CDC73: variants seen among roughly 807,000 people sequenced by gnomAD.
The protein encoded by CDC73 is cell division cycle 73.
Under a neutral mutation model 83.7 loss-of-function variants are expected in CDC73, and 21 were observed. The ratio of observed to expected loss-of-function variants is 0.25; its 90% CI spans 0.18 to 0.36. The LOEUF is 0.36. CDC73 is among the 10% of genes least tolerant of loss of function. CDC73 has a pLI of 1.00. For synonymous variants in CDC73, 224 were observed against 212.9 expected, an observed-to-expected ratio of 1.05 and a Z score of -0.45; for missense variants, 342 against 653.3, an observed-to-expected ratio of 0.52 and a Z score of 5.19.
intron 10 of CDC73, among the ~76,000 whole-genome samples, chr1:193,182,549 C>T (rs1676734931): frequency 6.6e-6 from 1 of 152,076 alleles, no homozygotes; most frequent in Admixed American, 6.6e-5. Context: ...TTTTAAATAT[C>T]CTTGAGTTGT....
At chr1:193,141,777 A>G (rs1675910384) in intron 6 of CDC73, 73 bp from the exon 7 acceptor site, 4 of 995,616 alleles carry the variant, frequency 4.0e-6, no homozygotes, top group Non-Finnish European at 6.2e-6. Flanking sequence ...AAATTTATAA[A>G]TGTAACAAAA....
intron 10 of CDC73, among the ~76,000 whole-genome samples, chr1:193,168,317 G>A (rs1676466110): frequency 6.6e-6 from 1 of 152,200 alleles, no homozygotes; most frequent in Middle Eastern, 3.2e-3. Flanking sequence ...AATGTTTGCT[G>A]TGTGCCTGCT....
intron 10 of CDC73, chr1:193,181,761 A>G (rs1676721049): frequency 2.0e-6 from 1 of 506,578 alleles, no homozygotes; most frequent in South Asian, 4.1e-5. Context: ...GCAAATAGGA[A>G]TGTCTTAAGC....
chr1:193,204,351 G>A (rs150461096), intron 11 of CDC73, among the ~76,000 whole-genome samples: 1,556 of 149,208 alleles, frequency 0.01, 31 homozygotes, highest in African/African-American at 0.036. Context: ...GTACACTGGC[G>A]CCATCTCATC....
intron 7 of CDC73, among the ~76,000 whole-genome samples, chr1:193,147,472 A>G (rs1029963404): frequency 1.3e-5 from 2 of 150,238 alleles, no homozygotes; most frequent in Non-Finnish European, 3.0e-5. Flanking sequence ...TGTTCACACC[A>G]TATTCCTGCC....
At chr1:193,244,737 T>C (rs576571829) in intron 15 of CDC73, among the ~76,000 whole-genome samples, 1 of 152,324 alleles carries the variant, frequency 6.6e-6, no homozygotes, top group Admixed American at 6.5e-5. Context: ...AATTACCTGC[T>C]TCTAGATAAT....
intron 10 of CDC73, among the ~76,000 whole-genome samples, chr1:193,168,049 C>T (rs999413710): frequency 6.6e-6 from 1 of 151,956 alleles, no homozygotes. Flanking sequence ...TTAATAGAGA[C>T]AGGGTTTCAC....
At chr1:193,237,563 G>A (rs947318181) in intron 15 of CDC73, among the ~76,000 whole-genome samples, 3 of 152,134 alleles carry the variant, frequency 2.0e-5, no homozygotes, top group Non-Finnish European at 4.4e-5. Context: ...CTCCCAGAAC[G>A]TGGCCTTTAA....
chr1:193,183,705 G>C (rs1251275941), intron 10 of CDC73, among the ~76,000 whole-genome samples: 2 of 151,742 alleles, frequency 1.3e-5, no homozygotes, highest in Admixed American at 6.6e-5. Context: ...GATATCAGTA[G>C]ATATAAGGGT....
chr1:193,242,246 T>C (rs532390332), intron 15 of CDC73, among the ~76,000 whole-genome samples: 13 of 152,244 alleles, frequency 8.5e-5, no homozygotes, highest in African/African-American at 2.4e-4. Flanking sequence ...AGGGCATGTG[T>C]AGGACCCAAG....
At chr1:193,196,178 G>A (rs763705913) in intron 10 of CDC73, among the ~76,000 whole-genome samples, 12 of 152,126 alleles carry the variant, frequency 7.9e-5, no homozygotes, top group Non-Finnish European at 1.6e-4. Flanking sequence ...ATAGTTTAAA[G>A]TAATGGTCCA....
chr1:193,138,991 G>C (rs760946507), intron 6 of CDC73, among the ~76,000 whole-genome samples: 1 of 151,706 alleles, frequency 6.6e-6, no homozygotes, highest in Non-Finnish European at 1.5e-5. Context: ...GGCCAGGCTG[G>C]TCTCAAACTC....
At chr1:193,243,408 A>G (rs1366487174) in intron 15 of CDC73, among the ~76,000 whole-genome samples, 3 of 152,182 alleles carry the variant, frequency 2.0e-5, no homozygotes, top group Non-Finnish European at 2.9e-5. Flanking sequence ...AGTGACTTAC[A>G]CTTTTTGGAC....
intron 10 of CDC73, chr1:193,180,771 A>G: frequency 6.2e-7 from 1 of 1,614,048 alleles, no homozygotes; most frequent in Non-Finnish European, 8.5e-7. Context: ...TCAGTAACTT[A>G]TTGATTAAAT....
chr1:193,216,312 C>T (rs555579343), intron 13 of CDC73, among the ~76,000 whole-genome samples: 77 of 152,194 alleles, frequency 5.1e-4, no homozygotes, highest in Middle Eastern at 3.4e-3. Context: ...CTATGAACAC[C>T]CCTGTGCACA....
chr1:193,224,458 T>C (rs1196851897), intron 13 of CDC73, among the ~76,000 whole-genome samples: 1 of 152,050 alleles, frequency 6.6e-6, no homozygotes, highest in African/African-American at 2.4e-5. Flanking sequence ...CATTCACATA[T>C]GCACATACGA....
chr1:193,205,491 C>T (rs1359985135), intron 11 of CDC73, among the ~76,000 whole-genome samples: 2 of 152,084 alleles, frequency 1.3e-5, no homozygotes, highest in African/African-American at 2.4e-5. Context: ...TGTATTCATA[C>T]TCCTCTTAGA....
At chr1:193,203,505 A>T (rs1392851305) in intron 10 of CDC73, among the ~76,000 whole-genome samples, 1 of 152,244 alleles carries the variant, frequency 6.6e-6, no homozygotes, top group African/African-American at 2.4e-5. Context: ...CAGTTAAGCA[A>T]ATCATTTAAA....
At chr1:193,125,759 ATTT>A (rs112649489) in intron 2 of CDC73, among the ~76,000 whole-genome samples, 2 of 134,096 alleles carry the variant, frequency 1.5e-5, no homozygotes. Flanking sequence ...GTATTAACAC[ATTT>A]TTTTTTTTTT....
Sources: allele counts gnomAD v4.1 joint callset (sites outside exome capture counted in the v4.1 genomes callset), GRCh38; gene constraint gnomAD v4.1.1; transcripts MANE v1.5; gene names NCBI Gene and HGNC (gene_info 2026-07-23, HGNC 2026-07-21).